The following NR6A1 variants were observed in gnomAD, a reference collection of about 807,000 sequenced individuals.
NR6A1 encodes nuclear receptor subfamily 6 group A member 1, also known as retinoic acid receptor-related testis-associated receptor.
In NR6A1, 7 loss-of-function variants were observed where a neutral mutation model predicts 59.1. The ratio of observed to expected loss-of-function variants is 0.12; its 90% confidence interval spans 0.07 to 0.22. The LOEUF (loss-of-function observed/expected upper bound fraction) is 0.22. Ranked by LOEUF, NR6A1 falls within the 10% of genes least tolerant of loss-of-function variation. The pLI is 1.00. For synonymous variants in NR6A1, 243 were observed against 236.1 expected (o/e 1.03, Z -0.27); for missense variants, 468 against 611.6 (o/e 0.77, Z 2.48).
Position 124,554,320 on chromosome 9 carries a change from C to T in NR6A1, c.385+8G>A, listed in dbSNP as rs1564176475. On this transcript the variant is annotated splice_region_variant and intron_variant, in intron 3 of 9. Transcript: ENST00000487099. ...GGATGGGCCATCAGAGCCATCAGCA[C>T]CACTCACCCTTCCGGTTCATCCCCA... 4 of 1,614,132 alleles carry T rather than the reference C, an allele frequency of 2.5e-6. No individual in the cohort carries two copies. The highest frequency in any genetic ancestry group is 2.5e-6 in the Non-Finnish European group (3 of 1,180,014).
At chr9:124,556,583 C>A (rs1037596325) in intron 2 of NR6A1, among the ~76,000 whole-genome samples, 4 of 151,962 alleles carry the variant, frequency 2.6e-5, no homozygotes, top group African/African-American at 7.2e-5. Context: ...GCCTCAGCCT[C>A]CCAAGTAGCT....
intron 2 of NR6A1, among the ~76,000 whole-genome samples, chr9:124,632,156 A>G (rs1020803134): frequency 2.0e-5 from 3 of 152,212 alleles, no homozygotes; most frequent in African/African-American, 7.2e-5. Context: ...TATAAATAGA[A>G]TGATTTATAT....
chr9:124,739,144 C>A (rs1255236910), intron 1 of NR6A1, among the ~76,000 whole-genome samples: 4 of 148,774 alleles, frequency 2.7e-5, no homozygotes, highest in Admixed American at 1.3e-4. Context: ...GCCCAGATCA[C>A]ATCACTGCAC....
At chr9:124,594,714 G>A (rs1835222734) in intron 2 of NR6A1, among the ~76,000 whole-genome samples, 1 of 152,272 alleles carries the variant, frequency 6.6e-6, no homozygotes, top group South Asian at 2.1e-4. Flanking sequence ...AGGTGCTGGG[G>A]TACAACATAT....
chr9:124,598,517 C>T (rs188312604), intron 2 of NR6A1, among the ~76,000 whole-genome samples: 9 of 151,948 alleles, frequency 5.9e-5, no homozygotes, highest in Non-Finnish European at 8.8e-5. Context: ...TCCAAACATA[C>T]GTAGCATTTG....
At chr9:124,724,707 A>ATT (rs1839661168) in intron 2 of NR6A1, among the ~76,000 whole-genome samples, 2 of 152,360 alleles carry the variant, frequency 1.3e-5, no homozygotes, top group African/African-American at 4.8e-5. Flanking sequence ...TCTGAAATAG[A>ATT]TAATAAGAGA....
At position 124,742,704 on chromosome 9, in the gene NR6A1, G is replaced by A. The variant is rs562233755; in HGVS notation, c.101-9355C>T. Among the ~76,000 whole-genome samples, 12 of 151,928 alleles carry A rather than the reference G, an allele frequency of 7.9e-5. 1 individual carries two copies. Among genetic ancestry groups the A allele is most frequent in the African/African-American group, 2.7e-4 (11 of 41,446 alleles). On this transcript the variant is annotated intron_variant, in intron 1 of 9. Coordinates refer to ENST00000487099, the MANE Select transcript of NR6A1 (RefSeq NM_033334.4). The stretch of plus-strand genomic sequence containing the variant: ...ATCCTGGCTAACACGGTGAAACCCC[G>A]TCTCTAGTAAAAACACAAAAAATTA...
chr9:124,617,318 T>C (rs1024193327), intron 2 of NR6A1, among the ~76,000 whole-genome samples: 11 of 152,240 alleles, frequency 7.2e-5, no homozygotes, highest in African/African-American at 2.2e-4. Context: ...ATGGCTGCAA[T>C]TGGTATATTC....
chr9:124,737,496 T>C (rs1013267787), intron 1 of NR6A1, among the ~76,000 whole-genome samples: 49 of 152,228 alleles, frequency 3.2e-4, no homozygotes, highest in Admixed American at 1.6e-3. Context: ...CACTGCTAGA[T>C]GTAACCCCAA....
At chr9:124,542,727 A>AT (rs1420879835) in intron 4 of NR6A1, among the ~76,000 whole-genome samples, 1 of 152,080 alleles carries the variant, frequency 6.6e-6, no homozygotes, top group African/African-American at 2.4e-5. Flanking sequence ...ATTTTATTTG[A>AT]TTTTTTGGTA....
chr9:124,633,178 G>A (rs1836495771), intron 2 of NR6A1, among the ~76,000 whole-genome samples: 1 of 152,212 alleles, frequency 6.6e-6, no homozygotes. Flanking sequence ...GCCAAGGCGA[G>A]CGGATCACCA....
At chr9:124,545,696 T>C (rs1228687644) in intron 3 of NR6A1, among the ~76,000 whole-genome samples, 2 of 152,218 alleles carry the variant, frequency 1.3e-5, no homozygotes, top group East Asian at 1.9e-4. Context: ...AATGTATTAA[T>C]AGTTCGGCTG....
chr9:124,732,526 A>G (rs965015189), intron 2 of NR6A1, among the ~76,000 whole-genome samples: 6 of 152,202 alleles, frequency 3.9e-5, no homozygotes, highest in Admixed American at 3.9e-4. Context: ...GGTAACTCTC[A>G]TATCTTAACC....
chr9:124,753,407 TGGG>T (rs1840558567), intron 1 of NR6A1, among the ~76,000 whole-genome samples: 1 of 152,218 alleles, frequency 6.6e-6, no homozygotes. Flanking sequence ...AAATAAATGT[TGGG>T]TTGCAGAATG....
At chr9:124,548,649 T>TG (rs1833679223) in intron 3 of NR6A1, among the ~76,000 whole-genome samples, 1 of 152,220 alleles carries the variant, frequency 6.6e-6, no homozygotes, top group Non-Finnish European at 1.5e-5. Flanking sequence ...TGTTGTGTCC[T>TG]GGGGCACTTT....
intron 2 of NR6A1, among the ~76,000 whole-genome samples, chr9:124,565,299 C>G (rs149817520): frequency 1.3e-5 from 2 of 151,976 alleles, no homozygotes; most frequent in East Asian, 3.9e-4. Context: ...TGGTGGCACG[C>G]GCTTGTAGTC....
chr9:124,755,565 CCTA>C, intron 1 of NR6A1, among the ~76,000 whole-genome samples: 1 of 152,294 alleles, frequency 6.6e-6, no homozygotes, highest in Non-Finnish European at 1.5e-5. Context: ...TCTTATCTGA[CCTA>C]CTGACACATA....
chr9:124,660,708 T>A (rs1837407511), intron 2 of NR6A1, among the ~76,000 whole-genome samples: 1 of 150,660 alleles, frequency 6.6e-6, no homozygotes, highest in Admixed American at 6.6e-5. Flanking sequence ...TACTTCTAGC[T>A]TTTTTAACCA....
chr9:124,617,628 T>C (rs1457456234), intron 2 of NR6A1, among the ~76,000 whole-genome samples: 3 of 152,218 alleles, frequency 2.0e-5, no homozygotes, highest in Middle Eastern at 3.4e-3. Flanking sequence ...CCCTAGTGAT[T>C]GGACCCATCC....
Sources: allele counts gnomAD v4.1 joint callset (sites outside exome capture counted in the v4.1 genomes callset), GRCh38; gene constraint gnomAD v4.1.1; transcripts MANE v1.5; gene names NCBI Gene and HGNC (gene_info 2026-07-23, HGNC 2026-07-21).